Variants in DENND4C observed in about 807,000 individuals in gnomAD.
DENND4C encodes DENN domain-containing protein 4C.
DENND4C carries 108 observed loss-of-function variants against 203.0 expected under a neutral mutation model. The observed-to-expected ratio is 0.53, with a 90% CI of 0.46 to 0.62. The LOEUF (loss-of-function observed/expected upper bound fraction) is 0.62. Ranked by LOEUF, DENND4C falls within the 20% of genes least tolerant of loss-of-function variation. DENND4C has a pLI of 0.00. For synonymous variants in DENND4C, 871 were observed against 792.4 expected, an observed-to-expected ratio of 1.10 and a Z score of -1.67; for missense variants, 2,481 against 2,301.2, an observed-to-expected ratio of 1.08 and a Z score of -1.60.
intron 5 of DENND4C, among the ~76,000 whole-genome samples, chr9:19,293,675 A>G (rs1261609773): frequency 2.6e-5 from 4 of 152,222 alleles, no homozygotes; most frequent in Non-Finnish European, 5.9e-5. Flanking sequence ...AACAAAATAC[A>G]TAAAAGCACA....
chr9:19,253,188 A>G (rs1827078539), intron 1 of DENND4C, among the ~76,000 whole-genome samples: 1 of 152,252 alleles, frequency 6.6e-6, no homozygotes, highest in East Asian at 1.9e-4. Flanking sequence ...TTGGACATTT[A>G]TATAAAAATC....
At chr9:19,249,715 C>T (rs913009619) in intron 1 of DENND4C, among the ~76,000 whole-genome samples, 2 of 152,078 alleles carry the variant, frequency 1.3e-5, no homozygotes, top group African/African-American at 4.8e-5. Flanking sequence ...GACATGGGGC[C>T]TTGCTGTTTC....
At chr9:19,275,225 G>A (rs866606848) in intron 1 of DENND4C, among the ~76,000 whole-genome samples, 20 of 150,028 alleles carry the variant, frequency 1.3e-4, no homozygotes, top group Non-Finnish European at 2.4e-4. Flanking sequence ...TGATCCACCC[G>A]CCTCGGCCTC....
At chr9:19,253,521 A>G (rs1313534040) in intron 1 of DENND4C, among the ~76,000 whole-genome samples, 3 of 152,236 alleles carry the variant, frequency 2.0e-5, no homozygotes, top group South Asian at 2.1e-4. Context: ...AATGCTTTCT[A>G]ATGGTAGTTA....
In DENND4C at chr9:19,361,065, G is replaced by A. The variant is rs796604014; in HGVS notation, c.5406+576G>A. On this transcript the variant is annotated intron_variant, in intron 29 of 32. Transcript: ENST00000434457. ...ATTTTTGTATTTTTGGTAGAGATGGGATTTTACCAGGCTGGTTTGAATTCC... is the reference window on the plus strand; with the variant it reads ...ATTTTTGTATTTTTGGTAGAGATGGAATTTTACCAGGCTGGTTTGAATTCC... 7.2e-5 allele frequency among the ~76,000 whole-genome samples: 11 copies of A among 152,178 alleles called. 1 individual carries two copies. Among genetic ancestry groups the A allele is most frequent in the African/African-American group, 2.6e-4 (11 of 41,526 alleles).
At chr9:19,233,379 A>C (rs1227234580) in intron 1 of DENND4C, among the ~76,000 whole-genome samples, 2 of 152,204 alleles carry the variant, frequency 1.3e-5, no homozygotes, top group Non-Finnish European at 2.9e-5. Context: ...GATTTTGCAT[A>C]GTACAGCTGG....
intron 24 of DENND4C, among the ~76,000 whole-genome samples, chr9:19,351,331 C>G (rs561513318): frequency 6.6e-6 from 1 of 152,158 alleles, no homozygotes; most frequent in South Asian, 2.1e-4. Context: ...AACGCTAAAA[C>G]TTCTGAGACT....
At chr9:19,244,744 A>AG (rs1339375471) in intron 1 of DENND4C, among the ~76,000 whole-genome samples, 7 of 151,814 alleles carry the variant, frequency 4.6e-5, no homozygotes, top group African/African-American at 9.7e-5. Flanking sequence ...CACCTCAAAA[A>AG]AAAAAAAAAA....
chr9:19,242,371 C>G (rs1417500594), intron 1 of DENND4C, among the ~76,000 whole-genome samples: 1 of 152,134 alleles, frequency 6.6e-6, no homozygotes, highest in Non-Finnish European at 1.5e-5. Flanking sequence ...AATAAAGCTG[C>G]TTATAATCAT....
At chr9:19,304,189 A>AC (rs71925752) in intron 9 of DENND4C, among the ~76,000 whole-genome samples, 3 of 142,408 alleles carry the variant, frequency 2.1e-5, no homozygotes, top group African/African-American at 7.8e-5. Context: ...TTTTATATTG[A>AC]TTTTTTTTTT....
intron 17 of DENND4C, among the ~76,000 whole-genome samples, chr9:19,332,649 A>G (rs1369421976): frequency 3.3e-5 from 5 of 149,678 alleles, no homozygotes; most frequent in South Asian, 2.1e-4. Context: ...GGCATGAGCC[A>G]TCACATCCGG....
chr9:19,316,539 A>G, intron 11 of DENND4C, 22 bp downstream of exon 11: 2 of 1,604,278 alleles, frequency 1.2e-6, no homozygotes, highest in Non-Finnish European at 1.7e-6. Context: ...GAAAAGGAAT[A>G]TTATTAATGA....
intron 12 of DENND4C, among the ~76,000 whole-genome samples, chr9:19,320,490 C>G (rs1338265172): frequency 6.6e-6 from 1 of 152,190 alleles, no homozygotes; most frequent in East Asian, 1.9e-4. Flanking sequence ...TGAGCCACTG[C>G]GCTCGGCCCA....
At chr9:19,244,874 C>G (rs1824753725) in intron 1 of DENND4C, among the ~76,000 whole-genome samples, 1 of 152,072 alleles carries the variant, frequency 6.6e-6, no homozygotes, top group South Asian at 2.1e-4. Flanking sequence ...AGGGATAATG[C>G]TAGACCTCCC....
chr9:19,232,474 G>A (rs1820827879), intron 1 of DENND4C, among the ~76,000 whole-genome samples: 1 of 152,194 alleles, frequency 6.6e-6, no homozygotes, highest in Non-Finnish European at 1.5e-5. Flanking sequence ...TAGACTTACT[G>A]ATTTGGGTAA....
chr9:19,349,274 G>A (rs1374061499), intron 23 of DENND4C, among the ~76,000 whole-genome samples: 2 of 152,136 alleles, frequency 1.3e-5, no homozygotes, highest in African/African-American at 4.8e-5. Flanking sequence ...TGGGCGTGAT[G>A]TCATGTACCT....
intron 1 of DENND4C, among the ~76,000 whole-genome samples, chr9:19,255,168 G>A (rs1827636106): frequency 6.6e-6 from 1 of 152,020 alleles, no homozygotes; most frequent in African/African-American, 2.4e-5. Context: ...CTCAGGAGGT[G>A]GAGGCTGGAG....
In DENND4C at chr9:19,319,363, C is replaced by CACATATATATACACATACATATATATAT. The variant is rs1842438310; in HGVS notation, c.1807+2536_1807+2563dup. 3.8e-5 allele frequency among the ~76,000 whole-genome samples: 5 copies of CACATATATATACACATACATATATATAT among 133,064 alleles called. 1 individual carries two copies. Among genetic ancestry groups the CACATATATATACACATACATATATATAT allele is most frequent in the African/African-American group, 1.5e-4 (5 of 33,538 alleles). 87.3% of individuals were successfully genotyped at this position (133,064 alleles called of 152,430 possible). A position where few individuals can be genotyped will look rare whatever the true frequency, so the allele number is the denominator to read the frequency against. ...ACATATATATATACTTATATATACA[C>CACATATATATACACATACATATATATAT]ACATATATATACACATACATATATA... is the stretch of plus-strand genomic sequence containing the variant. On this transcript the variant is annotated intron_variant, in intron 12 of 32. Transcript: ENST00000434457.
intron 23 of DENND4C, among the ~76,000 whole-genome samples, chr9:19,350,172 T>C (rs574613473): frequency 6.6e-6 from 1 of 152,350 alleles, no homozygotes; most frequent in East Asian, 1.9e-4. Context: ...GGCTCTAATA[T>C]TGATATTTGT....
Sources: allele counts gnomAD v4.1 joint callset (sites outside exome capture counted in the v4.1 genomes callset), GRCh38; gene constraint gnomAD v4.1.1; transcripts MANE v1.5; gene names NCBI Gene and HGNC (gene_info 2026-07-23, HGNC 2026-07-21).